The following GRID2 variants were observed in gnomAD, a reference collection of about 807,000 sequenced individuals.
GRID2 encodes glutamate receptor ionotropic, delta-2.
In GRID2, 33 loss-of-function variants were observed where a neutral mutation model predicts 114.8. That is an observed-to-expected ratio of 0.29 (90% CI 0.22 to 0.38). The LOEUF is 0.38. Ranked by LOEUF, GRID2 falls within the 10% of genes least tolerant of loss-of-function variation. GRID2 has a pLI of 1.00. For missense variants in GRID2, 1,184 were observed against 1,257.7 expected (o/e 0.94, Z 0.89); for synonymous variants, 505 against 449.9 (o/e 1.12, Z -1.55).
At chr4:93,624,865 A>AG (rs1742551909) in intron 13 of GRID2, among the ~76,000 whole-genome samples, 3 of 150,878 alleles carry the variant, frequency 2.0e-5, no homozygotes, top group African/African-American at 7.5e-5. Flanking sequence ...GTGATTACTG[A>AG]GGGGAAAAAA....
chr4:92,886,703 G>C (rs1351967041), intron 2 of GRID2, among the ~76,000 whole-genome samples: 1 of 152,242 alleles, frequency 6.6e-6, no homozygotes, highest in South Asian at 2.1e-4. Flanking sequence ...TAGGCTCACT[G>C]CAAGCTCTGC....
intron 2 of GRID2, among the ~76,000 whole-genome samples, chr4:92,744,157 CAAGGAGAA>C (rs1223550339): frequency 6.6e-6 from 1 of 151,894 alleles, no homozygotes; most frequent in East Asian, 1.9e-4. Flanking sequence ...GAAAGCAGAA[CAAGGAGAA>C]AAGAAAATGA....
intron 4 of GRID2, among the ~76,000 whole-genome samples, chr4:93,183,001 G>C (rs1740041730): frequency 6.6e-6 from 1 of 152,166 alleles, no homozygotes; most frequent in Admixed American, 6.5e-5. Flanking sequence ...GTTTGAGAAA[G>C]ACTATACTGG....
chr4:93,424,566 TTATATG>T (rs1423949042), intron 10 of GRID2, among the ~76,000 whole-genome samples: 4 of 152,244 alleles, frequency 2.6e-5, no homozygotes, highest in East Asian at 1.9e-4. Flanking sequence ...TCCTGATTCT[TTATATG>T]TAGTATATTT....
At chr4:93,319,611 T>C (rs146949931) in intron 8 of GRID2, 1 of 152,138 alleles carries the variant, frequency 6.6e-6, no homozygotes, top group African/African-American at 2.4e-5. Flanking sequence ...TATGGGTCTT[T>C]TAAAAGCAGA....
At chr4:93,206,526 G>A (rs1450982566) in intron 4 of GRID2, among the ~76,000 whole-genome samples, 1 of 151,538 alleles carries the variant, frequency 6.6e-6, no homozygotes. Context: ...TCAGAAGAAC[G>A]TGTCTTAGAA....
At chr4:93,168,440 T>G (rs1302613920) in intron 4 of GRID2, among the ~76,000 whole-genome samples, 1 of 152,138 alleles carries the variant, frequency 6.6e-6, no homozygotes, top group African/African-American at 2.4e-5. Flanking sequence ...CTCAAAAATG[T>G]GTGTATATAT....
chr4:92,609,270 T>C (rs1356608264), intron 2 of GRID2, among the ~76,000 whole-genome samples: 1 of 151,728 alleles, frequency 6.6e-6, no homozygotes, highest in Non-Finnish European at 1.5e-5. Flanking sequence ...TAAGTTTTCA[T>C]TAATTTAATT....
At chr4:93,288,363 A>G (rs186181455) in intron 8 of GRID2, among the ~76,000 whole-genome samples, 2 of 152,304 alleles carry the variant, frequency 1.3e-5, no homozygotes, top group Non-Finnish European at 2.9e-5. Flanking sequence ...GAGCATTTCT[A>G]TTCACACAAG....
intron 1 of GRID2, among the ~76,000 whole-genome samples, chr4:92,511,125 T>C (rs1724224454): frequency 6.6e-6 from 1 of 151,862 alleles, no homozygotes; most frequent in Non-Finnish European, 1.5e-5. Context: ...TTCTGTAGGC[T>C]GTACAGGAAG....
intron 8 of GRID2, among the ~76,000 whole-genome samples, chr4:93,337,496 A>T (rs1759205939): frequency 6.6e-6 from 1 of 152,112 alleles, no homozygotes; most frequent in Non-Finnish European, 1.5e-5. Flanking sequence ...AGACAACCCC[A>T]ATCTTTTATA....
chr4:93,712,069 C>A (rs17021036), intron 14 of GRID2, among the ~76,000 whole-genome samples: 6,354 of 152,034 alleles, frequency 0.042, 214 homozygotes, highest in African/African-American at 0.084. Context: ...TCATGTGTTA[C>A]AAATATCTTC....
At chr4:93,672,377 G>A (rs904261363) in intron 14 of GRID2, among the ~76,000 whole-genome samples, 1 of 152,250 alleles carries the variant, frequency 6.6e-6, no homozygotes, top group African/African-American at 2.4e-5. Flanking sequence ...AGCATGTCAC[G>A]TGCATGTGGG....
rs535572107 is a variant in GRID2 at position 92,908,389 on chromosome 4, T to C, written c.245-176606T>C. Among the ~76,000 whole-genome samples, 17 of 152,146 alleles carry C rather than the reference T, an allele frequency of 1.1e-4. No homozygotes were observed. In the South Asian group the frequency reaches 1.9e-3, roughly 17 times the overall value. On this transcript the variant is annotated intron_variant, in intron 2 of 15. Coordinates refer to ENST00000282020, the MANE Select transcript of GRID2 (RefSeq NM_001510.4). Reference sequence around the variant, plus strand: ...GAAATATAGAAGTAAAAATTAGAGTTCTTATTTTGTAGTAGCACAAAGACA... The same window carrying C: ...GAAATATAGAAGTAAAAATTAGAGTCCTTATTTTGTAGTAGCACAAAGACA...
chr4:93,060,336 C>G (rs550209628), intron 2 of GRID2, among the ~76,000 whole-genome samples: 2 of 152,182 alleles, frequency 1.3e-5, no homozygotes, highest in African/African-American at 4.8e-5. Context: ...TCCTCCGGGT[C>G]CTCCCACATG....
intron 2 of GRID2, among the ~76,000 whole-genome samples, chr4:92,987,799 A>G (rs2149198317): frequency 6.6e-6 from 1 of 151,992 alleles, no homozygotes; most frequent in East Asian, 1.9e-4. Flanking sequence ...GCAAATGCCA[A>G]CTCTCTCTAA....
chr4:92,968,334 A>G (rs1753287257), intron 2 of GRID2, among the ~76,000 whole-genome samples: 1 of 151,906 alleles, frequency 6.6e-6, no homozygotes, highest in Non-Finnish European at 1.5e-5. Flanking sequence ...TAGTATCACT[A>G]TTTGTTGAGA....
intron 13 of GRID2, among the ~76,000 whole-genome samples, chr4:93,539,198 A>G (rs562646587): frequency 1.3e-5 from 2 of 152,028 alleles, no homozygotes; most frequent in Admixed American, 1.3e-4. Context: ...TGCTTCTACC[A>G]TACATGTACA....
At chr4:93,029,090 G>T (rs1274538962) in intron 2 of GRID2, among the ~76,000 whole-genome samples, 1 of 152,050 alleles carries the variant, frequency 6.6e-6, no homozygotes, top group African/African-American at 2.4e-5. Flanking sequence ...CCATTACATG[G>T]AGAGGGAAGC....
Sources: gnomAD v4.1 joint callset for allele counts (sites outside exome capture counted in the v4.1 genomes callset) on GRCh38, gnomAD v4.1.1 for gene constraint, MANE v1.5 for transcripts, NCBI Gene and HGNC (gene_info 2026-07-23, HGNC 2026-07-21) for gene names.